Variants in CFAP61 observed in about 807,000 individuals in gnomAD.
CFAP61 encodes the protein cilia- and flagella-associated protein 61.
Under a neutral mutation model 135.6 loss-of-function variants are expected in CFAP61, and 107 were observed. The observed-to-expected ratio is 0.79, with a 90% CI of 0.67 to 0.93. The LOEUF is 0.93. Ranked by LOEUF, CFAP61 falls within the 40% of genes least tolerant of loss-of-function variation. The pLI is 0.00. For synonymous variants in CFAP61, 575 were observed against 578.5 expected, an observed-to-expected ratio of 0.99 and a Z score of 0.09; for missense variants, 1,507 against 1,556.2, an observed-to-expected ratio of 0.97 and a Z score of 0.53.
At chr20:20,141,719 G>A (rs1376992255) in intron 8 of CFAP61, among the ~76,000 whole-genome samples, 1 of 152,212 alleles carries the variant, frequency 6.6e-6, no homozygotes, top group African/African-American at 2.4e-5. Context: ...GGGTTGAGAG[G>A]CATCTGCAGG....
At chr20:20,340,625 C>T (rs757262238) in intron 25 of CFAP61, among the ~76,000 whole-genome samples, 1 of 152,090 alleles carries the variant, frequency 6.6e-6, no homozygotes, top group Non-Finnish European at 1.5e-5. Flanking sequence ...GCTGTTGGAA[C>T]AGGCAGCACT....
intron 9 of CFAP61, among the ~76,000 whole-genome samples, 189 bp from the exon 10 acceptor site, chr20:20,159,181 T>A (rs1326784894): frequency 6.6e-6 from 1 of 152,236 alleles, no homozygotes; most frequent in African/African-American, 2.4e-5. Flanking sequence ...ATAACAGCCT[T>A]ATGAAATAGA....
chr20:20,160,828 G>A (rs1188548477), intron 10 of CFAP61, among the ~76,000 whole-genome samples: 1 of 152,234 alleles, frequency 6.6e-6, no homozygotes, highest in Non-Finnish European at 1.5e-5. Flanking sequence ...AGGGCAGGCT[G>A]TTTGGGGAAG....
Position 20,196,576 on chromosome 20 carries a change from G to C in CFAP61, c.1597G>C (p.Glu533Gln), listed in dbSNP as rs1470525767. The part of the protein sequence containing the change: ...IAVIRNEMDI[E>Q]YIRSHYNIED... The stretch of plus-strand genomic sequence containing the variant: ...CCTTCTGTCTCTTCTGTAGGACATT[G>C]AGTACATACGGTCCCATTACAACAT... Residue 533 changes from glutamate (E) to glutamine (Q), a missense_variant, in exon 16 of 27, where the codon GAG (glutamate) becomes CAG (glutamine). Transcript: ENST00000245957. 6.2e-7 allele frequency: 1 copy of C among 1,611,830 alleles called. No homozygotes were observed. The highest frequency in any genetic ancestry group is 1.1e-5 in the South Asian group (1 of 91,030).
At chr20:20,080,330 A>C (rs1469793729) in intron 6 of CFAP61, among the ~76,000 whole-genome samples, 1 of 152,118 alleles carries the variant, frequency 6.6e-6, no homozygotes, top group Non-Finnish European at 1.5e-5. Context: ...TTTAGAGATC[A>C]ATTTCTTTCT....
intron 25 of CFAP61, among the ~76,000 whole-genome samples, chr20:20,326,841 A>AT (rs1165735569): frequency 2.6e-5 from 4 of 152,134 alleles, no homozygotes; most frequent in Admixed American, 6.5e-5. Context: ...TATAAAAATT[A>AT]TTTTTGGAAT....
chr20:20,171,779 A>G (rs2054240983), intron 13 of CFAP61: 5 of 707,058 alleles, frequency 7.1e-6, no homozygotes, highest in Non-Finnish European at 1.3e-5. Flanking sequence ...TAATGAATGT[A>G]GAAACATTTG....
intron 6 of CFAP61, among the ~76,000 whole-genome samples, chr20:20,079,424 G>A (rs935752773): frequency 3.7e-4 from 45 of 120,370 alleles, no homozygotes; most frequent in African/African-American, 1.1e-3. Context: ...CAAAGGAGTA[G>A]TCAGTGCTAT....
rs532241833 is a variant in CFAP61 at position 20,306,660 on chromosome 20, A to G, written c.3422+8274A>G. On this transcript the variant is annotated intron_variant, in intron 25 of 26. Transcript: ENST00000245957. ...AGGGTGGGAGCCCATGTCTATTAAC[A>G]GGTAACTCTCCACCAGGATTCCCCC... is the stretch of plus-strand genomic sequence containing the variant. Among the ~76,000 whole-genome samples the G allele has an allele frequency of 6.0e-4, 92 of 152,314 alleles. No individual in the cohort carries two copies. In the South Asian group the frequency reaches 6.8e-3, roughly 11 times the overall value.
At chr20:20,259,460 G>C (rs1481964342) in intron 20 of CFAP61, among the ~76,000 whole-genome samples, 1 of 147,466 alleles carries the variant, frequency 6.8e-6, no homozygotes, top group Non-Finnish European at 1.5e-5. Context: ...TTGTAGTAGA[G>C]ATGAGATCTC....
chr20:20,340,155 C>G (rs1037404512), intron 25 of CFAP61, among the ~76,000 whole-genome samples: 3 of 152,216 alleles, frequency 2.0e-5, no homozygotes, highest in African/African-American at 4.8e-5. Context: ...TGCACAGCCT[C>G]AAGTCGCAAA....
At chr20:20,233,253 C>T (rs2049297243) in intron 18 of CFAP61, among the ~76,000 whole-genome samples, 1 of 152,196 alleles carries the variant, frequency 6.6e-6, no homozygotes, top group Non-Finnish European at 1.5e-5. Context: ...TCAGTGTGGC[C>T]TGTCACTAAT....
rs1476854519 is a variant in CFAP61, at chr20:20,288,807, T to G, written c.2995T>G (p.Ser999Ala). Reference protein sequence around the residue: ...SNEWTHSNFSSKEIGFQLAAA... With the variant: ...SNEWTHSNFSAKEIGFQLAAA... ...TGAGTGGACTCACAGCAACTTCAGT[T>G]CCAAAGAAATTGGCTTTCAGCTGGC... The change falls in exon 23 of 27, where the codon TCC (serine) becomes GCC (alanine). Residue 999 changes from serine to alanine, a missense_variant. Physicochemically the swap from Ser to Ala is moderately conservative, Grantham distance 99. Transcript: ENST00000245957. 6.2e-7 allele frequency: 1 copy of G among 1,614,058 alleles called. No homozygotes were observed. The highest frequency in any genetic ancestry group is 8.5e-7 in the Non-Finnish European group (1 of 1,180,036).
chr20:20,122,554 A>G (rs1044407329), intron 8 of CFAP61, among the ~76,000 whole-genome samples: 2 of 152,336 alleles, frequency 1.3e-5, no homozygotes, highest in Middle Eastern at 3.4e-3. Context: ...TTCACTTAGA[A>G]TAATAGTCTC....
chr20:20,055,218 ATACT>A (rs1232277536), intron 1 of CFAP61, among the ~76,000 whole-genome samples: 2 of 152,126 alleles, frequency 1.3e-5, no homozygotes, highest in Non-Finnish European at 2.9e-5. Flanking sequence ...TATTATAAAC[ATACT>A]TAGTTTGTAG....
Position 20,196,716 on chromosome 20 carries a change from G to C in CFAP61, c.1737G>C (p.Leu579=), listed in dbSNP as rs748949520. ...CCAAGTTCTTTCTGAAGGAGATCCT[G>C]CGTTTAGGCTTTAAATCCTGTCTCT... is the stretch of plus-strand genomic sequence containing the variant. ...HYTKFFLKEI[L]RLGFKSCLYY... Residue 579 remains leucine (L), a synonymous_variant, in exon 16 of 27, where the codon CTG becomes CTC. Coordinates refer to ENST00000245957, the MANE Select transcript of CFAP61 (RefSeq NM_015585.4). 57 of 1,614,080 alleles carry C rather than the reference G, an allele frequency of 3.5e-5. No individual in the cohort carries two copies. The highest frequency in any genetic ancestry group is 4.8e-5 in the Non-Finnish European group (57 of 1,180,048).
At chr20:20,096,646 C>T (rs1358684117) in intron 7 of CFAP61, among the ~76,000 whole-genome samples, 2 of 152,214 alleles carry the variant, frequency 1.3e-5, no homozygotes. Flanking sequence ...AAGATGGATG[C>T]CAATTTTCCC....
chr20:20,056,659 A>G lies in CFAP61; in HGVS notation c.6A>G (p.Ser2=). Reference sequence around the variant, plus strand: ...TTTTGGGGACAGGATAAAAAATGTCAGTACTCACTTCTCCAAGAGGAAAGG... The same window carrying G: ...TTTTGGGGACAGGATAAAAAATGTCGGTACTCACTTCTCCAAGAGGAAAGG... M[S]VLTSPRGKVE... is the part of the protein sequence containing the mutation. Residue 2 remains serine (S), a synonymous_variant, in exon 2 of 27, where the codon TCA becomes TCG. Transcript: ENST00000245957. 1 of 1,614,142 alleles carries G rather than the reference A, an allele frequency of 6.2e-7. No homozygotes were observed. Among genetic ancestry groups the G allele is most frequent in the Non-Finnish European group, 8.5e-7 (1 of 1,180,008 alleles).
intron 25 of CFAP61, among the ~76,000 whole-genome samples, chr20:20,306,789 C>A (rs1450196078): frequency 6.6e-6 from 1 of 152,142 alleles, no homozygotes; most frequent in Non-Finnish European, 1.5e-5. Context: ...AAAACTAGTG[C>A]TTTCATTATT....
Sources: allele counts gnomAD v4.1 joint callset (sites outside exome capture counted in the v4.1 genomes callset), GRCh38; gene constraint gnomAD v4.1.1; transcripts MANE v1.5; gene names NCBI Gene and HGNC (gene_info 2026-07-23, HGNC 2026-07-21).